METTL16: variants seen among roughly 807,000 people sequenced by gnomAD.
METTL16 encodes RNA N(6)-adenosine-methyltransferase METTL16.
Under a neutral mutation model 57.9 loss-of-function variants are expected in METTL16, and 19 were observed. The ratio of observed to expected loss-of-function variants is 0.33; its 90% CI spans 0.23 to 0.48. The LOEUF (loss-of-function observed/expected upper bound fraction) is 0.48, where lower values mean the gene tolerates loss of function less well. Ranked by LOEUF, METTL16 falls within the 20% of genes least tolerant of loss-of-function variation. METTL16 has a pLI of 0.99. For missense variants in METTL16, 434 were observed against 691.5 expected (o/e 0.63, Z 4.18); for synonymous variants, 246 against 255.6 (o/e 0.96, Z 0.36).
At position 2,472,403 on chromosome 17, in the gene METTL16, T is replaced by C. The variant is rs548002954; in HGVS notation, c.469+1121A>G. Among the ~76,000 whole-genome samples the C allele has an allele frequency of 1.2e-4, 18 of 152,250 alleles. No individual in the cohort carries two copies. In the South Asian group the frequency reaches 1.2e-3, roughly 11 times the overall value. On this transcript the variant is annotated intron_variant, in intron 4 of 9. Coordinates refer to ENST00000263092, the MANE Select transcript of METTL16 (RefSeq NM_024086.4). ...TAGTGGTTTCTTACAAAATTAAACA[T>C]ACTATTACCATACCATCCAGCAAGC...
At chr17:2,446,627 C>A (rs1247730141) in intron 6 of METTL16, among the ~76,000 whole-genome samples, 1 of 151,352 alleles carries the variant, frequency 6.6e-6, no homozygotes, top group Non-Finnish European at 1.5e-5. Flanking sequence ...TCTCCCTCCA[C>A]GGTCTCCTTC....
intron 2 of METTL16, among the ~76,000 whole-genome samples, chr17:2,478,785 T>G (rs1369588677): frequency 6.6e-6 from 1 of 152,196 alleles, no homozygotes; most frequent in African/African-American, 2.4e-5. Flanking sequence ...GTTCATCCAT[T>G]TTGTAACTTG....
At chr17:2,477,305 G>A (rs529072937) in intron 3 of METTL16, 28 of 190,394 alleles carry the variant, frequency 1.5e-4, no homozygotes, top group Admixed American at 5.3e-5. Flanking sequence ...AGAAATCAGT[G>A]GGAGAAAAGG....
rs2066738992 is a variant in METTL16, at chr17:2,418,832, G to T, written c.*1138C>A. The T allele has an allele frequency of 6.6e-6, 1 of 152,268 alleles. No individual in the cohort carries two copies. Among genetic ancestry groups the T allele is most frequent in the Admixed American group, 6.5e-5 (1 of 15,282 alleles). 9.4% of individuals were successfully genotyped at this position (152,268 alleles called of 1,614,324 possible). On this transcript the variant is annotated 3_prime_UTR_variant, in exon 10 of 10. Coordinates refer to ENST00000263092, the MANE Select transcript of METTL16 (RefSeq NM_024086.4). ...GCAGATGGCAAGGAGCTCTGGCCAA[G>T]ATTTTAGTCTAAACAGAACCCTAGG...
At chr17:2,497,555 C>T (rs890190599) in intron 2 of METTL16, among the ~76,000 whole-genome samples, 14 of 151,462 alleles carry the variant, frequency 9.2e-5, no homozygotes, top group Middle Eastern at 3.4e-3. Flanking sequence ...TCAAGCCATT[C>T]GCTGGCCTCT....
chr17:2,494,677 G>A (rs1003539182), intron 2 of METTL16, among the ~76,000 whole-genome samples: 3 of 152,068 alleles, frequency 2.0e-5, no homozygotes, highest in Admixed American at 2.0e-4. Context: ...CTGCACTCCA[G>A]CCTGGGCAAC....
chr17:2,432,110 AT>A (rs1450286427), intron 8 of METTL16, among the ~76,000 whole-genome samples: 2 of 152,132 alleles, frequency 1.3e-5, no homozygotes, highest in East Asian at 3.9e-4. Flanking sequence ...ATGTCCAGCT[AT>A]TTTTTTGTAT....
At chr17:2,480,931 G>C (rs913895391) in intron 2 of METTL16, among the ~76,000 whole-genome samples, 1 of 152,140 alleles carries the variant, frequency 6.6e-6, no homozygotes, top group Admixed American at 6.5e-5. Context: ...GGCTGGGCAC[G>C]GCAGCTCACA....
At chr17:2,438,825 G>T (rs932321639) in intron 7 of METTL16, among the ~76,000 whole-genome samples, 5 of 152,168 alleles carry the variant, frequency 3.3e-5, no homozygotes, top group Non-Finnish European at 2.9e-5. Context: ...TTTTTAGAAA[G>T]AAAGTCAACC....
At chr17:2,497,826 A>C (rs2067457587) in intron 2 of METTL16, among the ~76,000 whole-genome samples, 2 of 151,310 alleles carry the variant, frequency 1.3e-5, no homozygotes, top group South Asian at 4.2e-4. Context: ...CCCTGGGCTC[A>C]AGCAGTCCTC....
At chr17:2,478,699 G>A (rs1212341987) in intron 2 of METTL16, among the ~76,000 whole-genome samples, 1 of 152,166 alleles carries the variant, frequency 6.6e-6, no homozygotes, top group South Asian at 2.1e-4. Context: ...TGTCTTCATA[G>A]ATTTGCCTTT....
chr17:2,451,031 C>T (rs532131297), intron 6 of METTL16, among the ~76,000 whole-genome samples: 1 of 152,196 alleles, frequency 6.6e-6, no homozygotes, highest in South Asian at 2.1e-4. Context: ...TCTGGTATTT[C>T]GACCTCATAC....
At chr17:2,437,056 A>AT (rs1342719161) in intron 8 of METTL16, among the ~76,000 whole-genome samples, 2 of 151,850 alleles carry the variant, frequency 1.3e-5, no homozygotes, top group Non-Finnish European at 2.9e-5. Context: ...AAATTTTTGT[A>AT]TTTTTTGTAG....
At chr17:2,478,247 T>C (rs2067280813) in intron 2 of METTL16, among the ~76,000 whole-genome samples, 1 of 152,250 alleles carries the variant, frequency 6.6e-6, no homozygotes, top group African/African-American at 2.4e-5. Flanking sequence ...AATATCACAA[T>C]GCTACTGTGA....
intron 6 of METTL16, among the ~76,000 whole-genome samples, chr17:2,455,545 C>A (rs2067103861): frequency 6.6e-6 from 1 of 152,182 alleles, no homozygotes; most frequent in South Asian, 2.1e-4. Flanking sequence ...GTGGCGCAAG[C>A]TGCTGGATCC....
intron 2 of METTL16, among the ~76,000 whole-genome samples, chr17:2,481,116 G>C (rs2067302591): frequency 6.6e-6 from 1 of 151,710 alleles, no homozygotes; most frequent in African/African-American, 2.4e-5. Context: ...TGAGCTTGCA[G>C]AATTGCTTGG....
intron 1 of METTL16, among the ~76,000 whole-genome samples, chr17:2,503,949 C>T (rs1188310119): frequency 6.6e-6 from 1 of 151,514 alleles, no homozygotes; most frequent in Non-Finnish European, 1.5e-5. Flanking sequence ...CCATACAATA[C>T]ATATGATCAA....
intron 6 of METTL16, among the ~76,000 whole-genome samples, chr17:2,463,328 G>A (rs756421215): frequency 2.6e-5 from 4 of 152,126 alleles, no homozygotes; most frequent in South Asian, 2.1e-4. Context: ...ACAATCATGC[G>A]GTATTTTCCT....
chr17:2,506,476 C>T (rs1226699175), intron 1 of METTL16, among the ~76,000 whole-genome samples: 4 of 151,374 alleles, frequency 2.6e-5, no homozygotes, highest in Non-Finnish European at 4.4e-5. Context: ...TTGGTGGAGA[C>T]GGGGTTTCGC....
Sources: allele counts gnomAD v4.1 joint callset (sites outside exome capture counted in the v4.1 genomes callset), GRCh38; gene constraint gnomAD v4.1.1; transcripts MANE v1.5; gene names NCBI Gene and HGNC (gene_info 2026-07-23, HGNC 2026-07-21).